Variants in PDE4D observed in about 807,000 individuals in gnomAD.
The protein encoded by PDE4D is phosphodiesterase 4D.
In PDE4D, 24 loss-of-function variants were observed where a neutral mutation model predicts 87.4. The ratio of observed to expected loss-of-function variants is 0.27; its 90% CI spans 0.20 to 0.39. The LOEUF (loss-of-function observed/expected upper bound fraction) is 0.39. Ranked by LOEUF, PDE4D falls within the 10% of genes least tolerant of loss-of-function variation. The pLI, the probability that PDE4D is intolerant of heterozygous loss-of-function variation, is 1.00. For missense variants in PDE4D, 714 were observed against 1,041.0 expected (o/e 0.69, Z 4.32); for synonymous variants, 384 against 383.2 (o/e 1.00, Z -0.02).
intron 2 of PDE4D, among the ~76,000 whole-genome samples, chr5:59,208,848 AT>A (rs577122465): frequency 1.1e-3 from 162 of 152,308 alleles, no homozygotes; most frequent in African/African-American, 3.5e-3. Context: ...GTAAAAAGGT[AT>A]TCTAGTAGCA....
At chr5:59,894,222 G>A (rs1751394153), upstream of PDE4D, among the ~76,000 whole-genome samples, 1 of 152,120 alleles carries the variant, frequency 6.6e-6, no homozygotes, top group African/African-American at 2.4e-5. Context: ...CCACTGCCCC[G>A]GAGCCTTCCT....
intron 1 of PDE4D, among the ~76,000 whole-genome samples, chr5:60,235,654 AT>A (rs1746344721): frequency 6.6e-6 from 1 of 151,834 alleles, no homozygotes; most frequent in Admixed American, 6.6e-5. Flanking sequence ...CAAAAAAAAA[AT>A]AAAACTGAAG....
At chr5:60,136,573 C>A (rs1177287346) in intron 2 of PDE4D, among the ~76,000 whole-genome samples, 2 of 152,150 alleles carry the variant, frequency 1.3e-5, no homozygotes, top group African/African-American at 2.4e-5. Flanking sequence ...CCTTGGCCTA[C>A]CAAAGTGCTG....
In PDE4D at chr5:60,324,546, G is replaced by A. The variant is rs148442423; in HGVS notation, c.-89-138859C>T. 7.2e-3 allele frequency among the ~76,000 whole-genome samples: 1,097 copies of A among 152,320 alleles called. 6 individuals carry two copies. The highest frequency in any genetic ancestry group is 0.013 in the Non-Finnish European group (869 of 68,024). On this transcript the variant is annotated intron_variant, in intron 1 of 16. Transcript: ENST00000502484. Reference sequence around the variant, plus strand: ...CCAGCTATCAGGGAGGCTGAGGCGGGAGAATCACTTGAACCCAGGAAGCAG... The same window carrying A: ...CCAGCTATCAGGGAGGCTGAGGCGGAAGAATCACTTGAACCCAGGAAGCAG...
chr5:59,625,851 C>A (rs540971434), intron 1 of PDE4D, among the ~76,000 whole-genome samples: 1 of 152,238 alleles, frequency 6.6e-6, no homozygotes, highest in African/African-American at 2.4e-5. Flanking sequence ...GAGGCTGAGG[C>A]GGGCGGATCA....
chr5:59,089,767 ATTGTCC>A (rs1009118506), intron 5 of PDE4D, among the ~76,000 whole-genome samples: 1 of 152,198 alleles, frequency 6.6e-6, no homozygotes, highest in African/African-American at 2.4e-5. Context: ...TCTGAGTTTC[ATTGTCC>A]TTGTACCCCT....
Position 60,413,931 on chromosome 5 carries a change from C to T in PDE4D, c.-90+74011G>A, listed in dbSNP as rs148323214. ...TTATCAGAGTTCAGGTTCACTTTGT[C>T]AAACTTTTTACAGTTCTAAAATAGA... On this transcript the variant is annotated intron_variant, in intron 1 of 16. Transcript: ENST00000502484. 2.7e-3 allele frequency among the ~76,000 whole-genome samples: 417 copies of T among 152,264 alleles called. 5 individuals are homozygous for T. Among genetic ancestry groups the T allele is most frequent in the Admixed American group, 0.013 (198 of 15,294 alleles).
At chr5:59,465,951 T>G (rs1286335846) in intron 1 of PDE4D, among the ~76,000 whole-genome samples, 3 of 152,208 alleles carry the variant, frequency 2.0e-5, no homozygotes, top group Non-Finnish European at 4.4e-5. Context: ...AGCAACATGG[T>G]TATTCTGTTT....
At position 59,893,267 on chromosome 5, in the gene PDE4D, C is replaced by A. The variant is rs1277006573; in HGVS notation, c.356G>T (p.Arg119Leu). 6.4e-7 allele frequency: 1 copy of A among 1,551,396 alleles called. No individual in the cohort carries two copies. Among genetic ancestry groups the A allele is most frequent in the Non-Finnish European group, 8.7e-7 (1 of 1,147,236 alleles). ...YSDTERYLYC[R>L]AMDRTSYAVE... ...CGCGTAGGAGGTGCGGTCCATGGCG[C>A]GACAGTACAGGTAGCGCTCGGTGTC... Residue 119 changes from arginine (R) to leucine (L), a missense_variant, in exon 1 of 15, where the codon CGC (arginine) becomes CTC (leucine). Arg to Leu is a moderately radical substitution (Grantham distance 102). Around this residue, in one of 7 missense-constraint regions of PDE4D, gnomAD observed 268 missense variants for 272.9 expected, o/e 0.98. Transcript: ENST00000340635.
At chr5:60,236,394 A>G (rs1237407605) in intron 1 of PDE4D, among the ~76,000 whole-genome samples, 1 of 151,944 alleles carries the variant, frequency 6.6e-6, no homozygotes, top group Non-Finnish European at 1.5e-5. Context: ...CTCAAAACTC[A>G]ATACTAATAA....
intron 2 of PDE4D, among the ~76,000 whole-genome samples, chr5:59,208,763 TA>T (rs1749417744): frequency 6.6e-6 from 1 of 152,214 alleles, no homozygotes. Flanking sequence ...CCCATTTTTT[TA>T]AATCAGAAAT....
intron 1 of PDE4D, among the ~76,000 whole-genome samples, chr5:59,536,607 T>C (rs1815320665): frequency 6.6e-6 from 1 of 152,006 alleles, no homozygotes; most frequent in African/African-American, 2.4e-5. Context: ...TGAAGAAGTC[T>C]TAGCTCTATG....
chr5:59,695,404 G>C (rs999093749), intron 1 of PDE4D, among the ~76,000 whole-genome samples: 3 of 151,920 alleles, frequency 2.0e-5, no homozygotes, highest in Admixed American at 1.3e-4. Context: ...TGCATAACAC[G>C]TTATGTATGC....
intron 1 of PDE4D, among the ~76,000 whole-genome samples, chr5:60,517,146 G>A (rs1750835102): frequency 6.6e-6 from 1 of 152,236 alleles, no homozygotes; most frequent in African/African-American, 2.4e-5. Flanking sequence ...AGCTGTGTAT[G>A]CCCGTGCTCA....
intron 1 of PDE4D, among the ~76,000 whole-genome samples, chr5:59,612,948 G>A (rs953373921): frequency 6.6e-6 from 1 of 152,112 alleles, no homozygotes; most frequent in Admixed American, 6.6e-5. Context: ...TTATTATAAA[G>A]ACCTTCAATT....
Position 59,378,398 on chromosome 5 carries a change from CAA to C in PDE4D, c.456-162432_456-162431del, listed in dbSNP as rs1785103457. Among the ~76,000 whole-genome samples, 6 of 152,034 alleles carry C rather than the reference CAA, an allele frequency of 3.9e-5. No homozygotes were observed. The South Asian group carries it at 1.2e-3, about 32-fold the overall frequency. ...CTGTGACCCAAGTTTACCTATATAA[CAA>C]ACCTGCACATGTACCCCTGAACTTA... On this transcript the variant is annotated intron_variant, in intron 1 of 14. Transcript: ENST00000340635.
intron 1 of PDE4D, among the ~76,000 whole-genome samples, chr5:59,759,061 T>C (rs1337541234): frequency 1.3e-5 from 2 of 151,556 alleles, no homozygotes; most frequent in African/African-American, 4.8e-5. Flanking sequence ...GCAAAACCAT[T>C]AAAAAAAAGA....
chr5:60,399,186 G>A (rs1295818520), intron 1 of PDE4D, among the ~76,000 whole-genome samples: 2 of 152,090 alleles, frequency 1.3e-5, no homozygotes, highest in Non-Finnish European at 2.9e-5. Context: ...TTGGGGTGGG[G>A]GTGTGACAGA....
intron 1 of PDE4D, among the ~76,000 whole-genome samples, chr5:59,677,342 G>T (rs1235354457): frequency 1.3e-5 from 2 of 152,044 alleles, no homozygotes; most frequent in African/African-American, 2.4e-5. Context: ...CCACCAAAAA[G>T]CACCCTACTT....
Sources: gnomAD v4.1 joint callset for allele counts (sites outside exome capture counted in the v4.1 genomes callset) on GRCh38, gnomAD v4.1.1 for gene constraint, gnomAD v4.1.1 regional missense constraint, MANE v1.5 for transcripts, NCBI Gene and HGNC (gene_info 2026-07-23, HGNC 2026-07-21) for gene names.